POLD1: variants seen among roughly 807,000 people sequenced by gnomAD.
POLD1 encodes the protein DNA polymerase delta catalytic subunit.
In POLD1, 79 loss-of-function variants were observed where a neutral mutation model predicts 129.7. That is an observed-to-expected ratio of 0.61 (90% CI 0.51 to 0.73). POLD1 has a LOEUF of 0.73. Among genes scored for constraint, POLD1 ranks in the 30% least tolerant of loss-of-function variants. The pLI, the probability that POLD1 is intolerant of heterozygous loss-of-function variation, is 0.00. For synonymous variants in POLD1, 714 were observed against 683.3 expected (o/e 1.04, Z -0.70); for missense variants, 1,338 against 1,595.8 (o/e 0.84, Z 2.75).
chr19:50,392,260 G>A (rs946310029), intron 1 of POLD1, among the ~76,000 whole-genome samples: 1 of 151,802 alleles, frequency 6.6e-6, no homozygotes, highest in East Asian at 1.9e-4. Flanking sequence ...TGTAGAGATT[G>A]ACTAATTTTT....
At chr19:50,401,267 G>A (rs2546564) in intron 3 of POLD1, among the ~76,000 whole-genome samples, 19,929 of 142,482 alleles carry the variant, frequency 0.14, 2,074 homozygotes, top group African/African-American at 0.29. Context: ...TATTCTTTAT[G>A]TATTAATTTA....
chr19:50,397,841 TG>T (rs1209631100), intron 1 of POLD1, among the ~76,000 whole-genome samples: 1 of 152,256 alleles, frequency 6.6e-6, no homozygotes, highest in African/African-American at 2.4e-5. Context: ...AACGGCATTT[TG>T]GAGACAGTTG....
At chr19:50,390,332 G>A (rs7253416) in intron 1 of POLD1, among the ~76,000 whole-genome samples, 4,626 of 151,538 alleles carry the variant, frequency 0.031, 231 homozygotes, top group African/African-American at 0.11. Flanking sequence ...CCAATCTCCC[G>A]AGACTCAGGA....
At chr19:50,417,132 G>T in intron 25 of POLD1, 35 bp downstream of exon 25, 1 of 1,570,058 alleles carries the variant, frequency 6.4e-7, no homozygotes, top group African/African-American at 1.3e-5. Flanking sequence ...GGGCCAGGTG[G>T]GGAGGCGGGG....
At chr19:50,397,017 T>C (rs28819791) in intron 1 of POLD1, among the ~76,000 whole-genome samples, 96,669 of 148,838 alleles carry the variant, frequency 0.65, 31,991 homozygotes, top group East Asian at 0.86. Flanking sequence ...ATCTCTTGAA[T>C]CTGGGAGGCG....
intron 10 of POLD1, among the ~76,000 whole-genome samples, chr19:50,403,947 AG>A (rs2038767888): frequency 6.6e-6 from 1 of 151,900 alleles, no homozygotes; most frequent in Non-Finnish European, 1.5e-5. Flanking sequence ...ATGGAGGAGG[AG>A]GGGGGAGTGT....
At chr19:50,389,705 G>A (rs7252629) in intron 1 of POLD1, among the ~76,000 whole-genome samples, 1,772 of 151,314 alleles carry the variant, frequency 0.012, 37 homozygotes, top group African/African-American at 0.041. Flanking sequence ...TCTTGCCTCA[G>A]CCTCCCGAAT....
At chr19:50,417,703 CAAA>C in intron 26 of POLD1, 136 bp from the exon 27 acceptor site, 2 of 322,024 alleles carry the variant, frequency 6.2e-6, no homozygotes, top group Non-Finnish European at 6.2e-6. Context: ...GCCTGCTGAG[CAAA>C]CAGCCCGCTG....
intron 17 of POLD1, among the ~76,000 whole-genome samples, chr19:50,410,532 T>G (rs1371762940): frequency 6.6e-6 from 1 of 151,946 alleles, no homozygotes; most frequent in African/African-American, 2.4e-5. Flanking sequence ...CTAGAAGTAC[T>G]CAGAGAGCAG....
At chr19:50,395,672 A>G (rs1001151321) in intron 1 of POLD1, among the ~76,000 whole-genome samples, 3 of 151,754 alleles carry the variant, frequency 2.0e-5, no homozygotes, top group African/African-American at 4.8e-5. Context: ...TATGATTTGC[A>G]TGGATGTTTC....
Position 50,416,594 on chromosome 19 carries a change from G to C in POLD1, c.2954-16G>C, listed in dbSNP as rs1347248407. 1.3e-6 allele frequency: 2 copies of C among 1,551,926 alleles called. No homozygotes were observed. Among genetic ancestry groups the C allele is most frequent in the Admixed American group, 1.9e-5 (1 of 51,950 alleles). ...AGAGGAGATCACCGGCCCACCACCT[G>C]CCTCCTCTCCTGCAGGGGGGGACCA... On this transcript the variant is annotated splice_polypyrimidine_tract_variant and intron_variant, in intron 23 of 26. Transcript: ENST00000440232.
intron 1 of POLD1, among the ~76,000 whole-genome samples, chr19:50,385,670 G>A (rs889721548): frequency 6.6e-6 from 1 of 151,570 alleles, no homozygotes; most frequent in Non-Finnish European, 1.5e-5. Flanking sequence ...CTGGGATTAC[G>A]GCACCCACTG....
At chr19:50,384,874 T>C (rs1251476527) in intron 1 of POLD1, among the ~76,000 whole-genome samples, 1 of 152,182 alleles carries the variant, frequency 6.6e-6, no homozygotes, top group African/African-American at 2.4e-5. Flanking sequence ...GGTAACGTGA[T>C]AATGAGCGAA....
At chr19:50,414,603 G>T (rs2039206048) in intron 19 of POLD1, among the ~76,000 whole-genome samples, 1 of 152,236 alleles carries the variant, frequency 6.6e-6, no homozygotes, top group Non-Finnish European at 1.5e-5. Context: ...TCAGATTGGG[G>T]TCTCTGGTGT....
rs528292347 is a variant in POLD1 at position 50,407,004 on chromosome 19, C to A, written c.1516C>A (p.Arg506Ser). The A allele has an allele frequency of 1.2e-6, 2 of 1,607,328 alleles. No homozygotes were observed. Among genetic ancestry groups the A allele is most frequent in the Middle Eastern group, 1.7e-4 (1 of 5,872 alleles). The change falls in exon 13 of 27, where the codon CGC (arginine) becomes AGC (serine). Residue 506 changes from arginine to serine, a missense_variant. Physicochemically the swap from Arg to Ser is moderately radical, Grantham distance 110. Coordinates refer to ENST00000440232, the MANE Select transcript of POLD1 (RefSeq NM_002691.4). Reference protein sequence around the residue: ...DLQNGNDQTRRRLAVYCLKDA... With the variant: ...DLQNGNDQTRSRLAVYCLKDA... Reference sequence around the variant, plus strand: ...CCAGAATGGGAACGACCAGACCCGCCGCCGCCTGGCTGTGTACTGCCTGAA... The same window carrying A: ...CCAGAATGGGAACGACCAGACCCGCAGCCGCCTGGCTGTGTACTGCCTGAA...
At chr19:50,414,639 C>T (rs1207931088) in intron 19 of POLD1, among the ~76,000 whole-genome samples, 176 bp from the exon 20 acceptor site, 2 of 152,342 alleles carry the variant, frequency 1.3e-5, no homozygotes, top group East Asian at 1.9e-4. Context: ...GCCGAGGGGC[C>T]TCAGGAGCCA....
At chr19:50,400,211 ATTTTTTTTT>A (rs549820323) in intron 3 of POLD1, among the ~76,000 whole-genome samples, 56 of 67,808 alleles carry the variant, frequency 8.3e-4, no homozygotes, top group African/African-American at 3.3e-3. Flanking sequence ...CTGGCCAATA[ATTTTTTTTT>A]TTTTTTTTTT....
chr19:50,413,545 C>G (rs2039164663), intron 18 of POLD1, 24 bp downstream of exon 18: 2 of 1,588,572 alleles, frequency 1.3e-6, no homozygotes, highest in African/African-American at 1.3e-5. Context: ...CACCGCTGCC[C>G]TGAGATGGGC....
At chr19:50,396,174 CCT>C (rs2038360069) in intron 1 of POLD1, among the ~76,000 whole-genome samples, 1 of 150,820 alleles carries the variant, frequency 6.6e-6, no homozygotes, top group Non-Finnish European at 1.5e-5. Flanking sequence ...GCAACCTCCA[CCT>C]CTCGGGTTCA....
Sources: allele counts gnomAD v4.1 joint callset (sites outside exome capture counted in the v4.1 genomes callset), GRCh38; gene constraint gnomAD v4.1.1; transcripts MANE v1.5; gene names NCBI Gene and HGNC (gene_info 2026-07-23, HGNC 2026-07-21).